Variants in TRPM6 observed in about 807,000 individuals in gnomAD.
TRPM6 encodes channel kinase 2.
TRPM6 carries 111 observed loss-of-function variants against 247.6 expected under a neutral mutation model. That is an observed-to-expected ratio of 0.45 (90% CI 0.38 to 0.52). TRPM6 has a LOEUF of 0.52. Ranked by LOEUF, TRPM6 falls within the 20% of genes least tolerant of loss-of-function variation. The pLI is 0.00. For missense variants in TRPM6, 2,126 were observed against 2,421.5 expected (o/e 0.88, Z 2.56); for synonymous variants, 892 against 853.8 (o/e 1.04, Z -0.78).
chr9:74,786,815 A>G (rs1397122842), intron 20 of TRPM6, among the ~76,000 whole-genome samples: 1 of 152,228 alleles, frequency 6.6e-6, no homozygotes, highest in African/African-American at 2.4e-5. Flanking sequence ...CAGGAGGCAC[A>G]GCAGGGTGCA....
intron 19 of TRPM6, among the ~76,000 whole-genome samples, chr9:74,790,006 ATGTGTGTG>A (rs71912381): frequency 3.0e-5 from 4 of 132,830 alleles, no homozygotes; most frequent in East Asian, 2.4e-4. Flanking sequence ...TGAGAGAAAA[ATGTGTGTG>A]TGTGTGTGTG....
At chr9:74,865,783 CAG>C (rs1167447677) in intron 1 of TRPM6, among the ~76,000 whole-genome samples, 5 of 152,104 alleles carry the variant, frequency 3.3e-5, no homozygotes, top group South Asian at 2.1e-4. Flanking sequence ...TGTTTTAATA[CAG>C]AGTCTTGCTA....
rs577003800 is a variant in TRPM6 at position 74,825,057 on chromosome 9, C to T, written c.841+2721G>A. On this transcript the variant is annotated intron_variant, in intron 7 of 38. Transcript: ENST00000360774. ...GGTGGATTACTTGAGGTCAGGAGTT[C>T]GAGACCAGCCTGGCCAACATGGTAA... Among the ~76,000 whole-genome samples the T allele has an allele frequency of 7.9e-5, 12 of 152,132 alleles. No individual in the cohort carries two copies. In the East Asian group the frequency reaches 2.3e-3, roughly 29 times the overall value.
At chr9:74,799,549 T>TACAC (rs140623880) in intron 17 of TRPM6, among the ~76,000 whole-genome samples, 7,500 of 145,178 alleles carry the variant, frequency 0.052, 626 homozygotes, top group African/African-American at 0.17. Context: ...CACACACACA[T>TACAC]ACACACACAC....
At chr9:74,887,469 G>T in intron 1 of TRPM6, 1 of 1,001,274 alleles carries the variant, frequency 1.0e-6, no homozygotes, top group South Asian at 1.6e-5. Context: ...CTCCGGCCCG[G>T]AGCGGAATCA....
At chr9:74,755,886 G>T (rs560342349) in intron 27 of TRPM6, among the ~76,000 whole-genome samples, 21 of 152,290 alleles carry the variant, frequency 1.4e-4, no homozygotes, top group African/African-American at 5.1e-4. Flanking sequence ...GAAAATATTA[G>T]AATCCAAAGA....
rs142038151 is a variant in TRPM6, at chr9:74,814,231, C to T, written c.1309-1798G>A. ...ACAAATTTACATGTGCTCAATAATT[C>T]GTAGGAGCTGAAAATGAAAACAATT... On this transcript the variant is annotated intron_variant, in intron 11 of 38. Transcript: ENST00000360774. Among the ~76,000 whole-genome samples the T allele has an allele frequency of 1.4e-3, 207 of 152,026 alleles. 1 individual carries two copies. Among genetic ancestry groups the T allele is most frequent in the Middle Eastern group, 6.8e-3 (2 of 294 alleles).
At chr9:74,739,301 G>A (rs1825786555) in intron 35 of TRPM6, 66 bp downstream of exon 35, 1 of 1,368,182 alleles carries the variant, frequency 7.3e-7, no homozygotes, top group Non-Finnish European at 1.0e-6. Flanking sequence ...CATGAGTAAT[G>A]GGCTGAGAAG....
At chr9:74,856,497 A>G (rs1052668403) in intron 2 of TRPM6, among the ~76,000 whole-genome samples, 1 of 149,494 alleles carries the variant, frequency 6.7e-6, no homozygotes, top group Non-Finnish European at 1.5e-5. Context: ...GTGAAGAAGT[A>G]TTAACAGGGA....
At chr9:74,817,349 T>G (rs1198502003) in intron 9 of TRPM6, among the ~76,000 whole-genome samples, 1 of 152,216 alleles carries the variant, frequency 6.6e-6, no homozygotes, top group Non-Finnish European at 1.5e-5. Flanking sequence ...TTTTGCTTTT[T>G]TTTCTCTTTT....
At chr9:74,740,039 A>T (rs1825812407) in intron 33 of TRPM6, 30 bp from the exon 34 acceptor site, 3 of 1,610,572 alleles carry the variant, frequency 1.9e-6, no homozygotes, top group Non-Finnish European at 2.5e-6. Context: ...CTAGGAATTC[A>T]ATAAGATTGC....
rs73530665 is a variant in TRPM6, at chr9:74,739,498, C to G, written c.5488-49G>C. 3,480 of 1,581,006 alleles carry G rather than the reference C, an allele frequency of 2.2e-3. 69 individuals are homozygous for G. The African/African-American group carries it at 0.041, about 19-fold the overall frequency. Reference sequence around the variant, plus strand: ...AAAATACTGATTTACTGTTGTACAGCTATGATCATGAAATTACTATAGGCT... The same window carrying G: ...AAAATACTGATTTACTGTTGTACAGGTATGATCATGAAATTACTATAGGCT... On this transcript the variant is annotated intron_variant, in intron 34 of 38. Transcript: ENST00000360774.
chr9:74,748,740 A>T (rs1425210358), intron 30 of TRPM6, among the ~76,000 whole-genome samples: 1 of 152,246 alleles, frequency 6.6e-6, no homozygotes, highest in Non-Finnish European at 1.5e-5. Context: ...AAGATTTTTA[A>T]ATGTTTTACA....
intron 37 of TRPM6, among the ~76,000 whole-genome samples, chr9:74,728,882 T>C (rs547702384): frequency 1.3e-5 from 2 of 152,358 alleles, no homozygotes; most frequent in South Asian, 4.1e-4. Context: ...CTTGCTCTCC[T>C]GCAAACTGCT....
At chr9:74,859,865 C>T (rs1210073630) in intron 1 of TRPM6, among the ~76,000 whole-genome samples, 1 of 151,984 alleles carries the variant, frequency 6.6e-6, no homozygotes, top group East Asian at 1.9e-4. Flanking sequence ...TAAAAGGGAG[C>T]TTTTTCAAAC....
Position 74,844,754 on chromosome 9 carries a change from A to G in TRPM6, c.153-2411T>C, listed in dbSNP as rs2118226985. ...TTTCCATCAAGCACCTTTCCTTTGC[A>G]TTCACAACTTGGCTAACTGTTTGGC... On this transcript the variant is annotated intron_variant, in intron 3 of 38. Coordinates refer to ENST00000360774, the MANE Select transcript of TRPM6 (RefSeq NM_017662.5). 2.0e-5 allele frequency among the ~76,000 whole-genome samples: 3 copies of G among 152,118 alleles called. No homozygotes were observed. The South Asian group carries it at 6.2e-4, about 32-fold the overall frequency.
intron 1 of TRPM6, among the ~76,000 whole-genome samples, chr9:74,879,319 T>C (rs943477565): frequency 3.3e-5 from 5 of 149,974 alleles, no homozygotes; most frequent in African/African-American, 1.2e-4. Flanking sequence ...GATTTATATA[T>C]ATATGATTTA....
intron 31 of TRPM6, among the ~76,000 whole-genome samples, chr9:74,745,338 A>G (rs1826003504): frequency 6.6e-6 from 1 of 152,230 alleles, no homozygotes; most frequent in Non-Finnish European, 1.5e-5. Flanking sequence ...ACTATGTGCC[A>G]GGCACTGGTC....
intron 19 of TRPM6, 54 bp downstream of exon 19, chr9:74,792,570 T>C: frequency 6.3e-7 from 1 of 1,576,264 alleles, no homozygotes; most frequent in Admixed American, 1.7e-5. Flanking sequence ...ATCAACATCA[T>C]CACTAGCTAT....
Sources: allele counts gnomAD v4.1 joint callset (sites outside exome capture counted in the v4.1 genomes callset), GRCh38; gene constraint gnomAD v4.1.1; transcripts MANE v1.5; gene names NCBI Gene and HGNC (gene_info 2026-07-23, HGNC 2026-07-21).